The following GALNT13 variants were observed in gnomAD, a reference collection of about 807,000 sequenced individuals.
The protein encoded by GALNT13 is polypeptide N-acetylgalactosaminyltransferase 13.
In GALNT13, 28 loss-of-function variants were observed where a neutral mutation model predicts 64.2. The observed-to-expected ratio is 0.44, with a 90% CI of 0.32 to 0.60. The LOEUF (loss-of-function observed/expected upper bound fraction) is 0.60. Ranked by LOEUF, GALNT13 falls within the 20% of genes least tolerant of loss-of-function variation. The pLI is 0.05. For missense variants in GALNT13, 577 were observed against 669.8 expected (o/e 0.86, Z 1.53); for synonymous variants, 214 against 224.6 (o/e 0.95, Z 0.42).
the GALNT13 span, among the ~76,000 whole-genome samples, chr2:153,257,844 A>G: frequency 6.6e-6 from 1 of 152,214 alleles, no homozygotes; most frequent in African/African-American, 2.4e-5. Context: ...CTGGTTATTT[A>G]ACCAAGGCTT....
intron 4 of GALNT13, among the ~76,000 whole-genome samples, chr2:154,168,247 C>T (rs558164749): frequency 1.3e-5 from 2 of 152,140 alleles, no homozygotes; most frequent in Non-Finnish European, 2.9e-5. Flanking sequence ...CAGAGTGTAT[C>T]GGCAGACTGG....
the GALNT13 span, among the ~76,000 whole-genome samples, chr2:153,531,480 C>G: frequency 6.6e-6 from 1 of 152,286 alleles, no homozygotes; most frequent in African/African-American, 2.4e-5. Context: ...CAGTCTCCAC[C>G]TCCAGCACTG....
intron 3 of GALNT13, among the ~76,000 whole-genome samples, chr2:154,131,802 A>G (rs13014591): frequency 0.19 from 29,607 of 152,190 alleles, 3,469 homozygotes; most frequent in Non-Finnish European, 0.26. Context: ...TAAGCTGAGG[A>G]GCAAGGAAGC....
intron 11 of GALNT13, among the ~76,000 whole-genome samples, chr2:154,413,573 A>G (rs563055868): frequency 1.3e-5 from 2 of 152,048 alleles, no homozygotes; most frequent in East Asian, 3.9e-4. Context: ...AGCCTGATCT[A>G]CCTTGATGTC....
chr2:153,393,008 C>T, the GALNT13 span, among the ~76,000 whole-genome samples: 1 of 151,944 alleles, frequency 6.6e-6, no homozygotes, highest in Non-Finnish European at 1.5e-5. Flanking sequence ...AATCTGCTGG[C>T]ACCTTGATCT....
chr2:154,394,784 C>T (rs1427295151), intron 9 of GALNT13, among the ~76,000 whole-genome samples: 1 of 152,136 alleles, frequency 6.6e-6, no homozygotes, highest in Non-Finnish European at 1.5e-5. Flanking sequence ...GTTTTTTCTG[C>T]CCAAACACCA....
chr2:154,018,246 T>C (rs1380478936), intron 3 of GALNT13, among the ~76,000 whole-genome samples: 1 of 152,220 alleles, frequency 6.6e-6, no homozygotes, highest in African/African-American at 2.4e-5. Context: ...CCAATTGCTA[T>C]TTATTGTCAG....
At position 154,245,743 on chromosome 2, in the gene GALNT13, C is replaced by T; in HGVS notation, c.687-69C>T. 3 of 1,001,666 alleles carry T rather than the reference C, an allele frequency of 3.0e-6. 1 individual carries two copies. In the South Asian group the frequency reaches 5.0e-5, roughly 17 times the overall value. The allele number at this position is 1,001,666 out of a possible 1,614,324, so 62.0% of individuals were successfully genotyped here. Reference sequence around the variant, plus strand: ...TAAATTTCCTCATATCAGCTATAATCAGTTTGAAGAAGATAATGTAACATT... The same window carrying T: ...TAAATTTCCTCATATCAGCTATAATTAGTTTGAAGAAGATAATGTAACATT... On this transcript the variant is annotated intron_variant, in intron 6 of 12. Transcript: ENST00000392825.
chr2:153,944,378 C>A lies in GALNT13; in HGVS notation c.-104-16C>A. On this transcript the variant is annotated splice_polypyrimidine_tract_variant and intron_variant, in intron 2 of 12. Transcript: ENST00000392825. ...TGTGTACAATTAATGAAATTTTCTT[C>A]TTTGTTTTAATGCAGTGGAATGTAT... 1 of 811,860 alleles carries A rather than the reference C, an allele frequency of 1.2e-6. No individual in the cohort carries two copies. 50.3% of individuals were successfully genotyped at this position (811,860 alleles called of 1,614,324 possible). A position where few individuals can be genotyped will look rare whatever the true frequency, so the allele number is the denominator to read the frequency against.
At chr2:154,370,946 A>G (rs1697652525) in intron 9 of GALNT13, among the ~76,000 whole-genome samples, 1 of 152,126 alleles carries the variant, frequency 6.6e-6, no homozygotes, top group African/African-American at 2.4e-5. Flanking sequence ...ACCAACAAAG[A>G]GAACCAAAGA....
the GALNT13 span, among the ~76,000 whole-genome samples, chr2:153,544,729 T>C: frequency 2.0e-5 from 3 of 152,210 alleles, no homozygotes; most frequent in Non-Finnish European, 4.4e-5. Context: ...AATACAGTGT[T>C]CTGTAGCTGA....
At chr2:153,073,957 G>A in the GALNT13 span, among the ~76,000 whole-genome samples, 1 of 152,038 alleles carries the variant, frequency 6.6e-6, no homozygotes, top group Non-Finnish European at 1.5e-5. Context: ...ATCTCATAGT[G>A]TCATTTACCA....
the GALNT13 span, among the ~76,000 whole-genome samples, chr2:153,818,250 G>A: frequency 1.3e-5 from 2 of 152,158 alleles, no homozygotes; most frequent in Admixed American, 1.3e-4. Flanking sequence ...AAAGCCACCT[G>A]GAGTCTTTGT....
intron 4 of GALNT13, among the ~76,000 whole-genome samples, chr2:154,204,497 T>C (rs1270257406): frequency 6.6e-6 from 1 of 152,198 alleles, no homozygotes; most frequent in Non-Finnish European, 1.5e-5. Context: ...ATGAGAGGAC[T>C]TTAATATTTT....
At chr2:154,339,117 C>T (rs1307422470) in intron 9 of GALNT13, among the ~76,000 whole-genome samples, 2 of 152,092 alleles carry the variant, frequency 1.3e-5, no homozygotes, top group African/African-American at 4.8e-5. Context: ...CAATCATGGG[C>T]AAAATCAGAT....
At chr2:153,701,368 G>A in the GALNT13 span, among the ~76,000 whole-genome samples, 1 of 152,146 alleles carries the variant, frequency 6.6e-6, no homozygotes, top group Non-Finnish European at 1.5e-5. Context: ...AGACTTAAAT[G>A]TAAAGCCCAA....
the GALNT13 span, among the ~76,000 whole-genome samples, chr2:153,256,451 C>T: frequency 6.6e-6 from 1 of 152,168 alleles, no homozygotes; most frequent in East Asian, 1.9e-4. Flanking sequence ...TCATCTGAAG[C>T]CTTCTTCTCT....
intron 4 of GALNT13, among the ~76,000 whole-genome samples, chr2:154,202,389 A>T (rs532343266): frequency 5.9e-5 from 9 of 152,206 alleles, no homozygotes; most frequent in Admixed American, 5.9e-4. Context: ...TTGAGATCAC[A>T]CTTCTACTTT....
intron 2 of GALNT13, among the ~76,000 whole-genome samples, chr2:153,906,799 T>C (rs1471494371): frequency 5.3e-5 from 8 of 152,014 alleles, no homozygotes; most frequent in Admixed American, 1.3e-4. Flanking sequence ...TTTCTAGTTC[T>C]AGATCCCTGA....
Sources: allele counts gnomAD v4.1 joint callset (sites outside exome capture counted in the v4.1 genomes callset), GRCh38; gene constraint gnomAD v4.1.1; transcripts MANE v1.5; gene names NCBI Gene and HGNC (gene_info 2026-07-23, HGNC 2026-07-21).